FSD1L: variants seen among roughly 807,000 people sequenced by gnomAD.
The protein encoded by FSD1L is FSD1-like protein.
FSD1L carries 45 observed loss-of-function variants against 71.6 expected under a neutral mutation model. The observed-to-expected ratio is 0.63, with a 90% confidence interval of 0.49 to 0.81. The LOEUF is 0.81. Ranked by LOEUF, FSD1L falls within the 30% of genes least tolerant of loss-of-function variation. The pLI is 0.00. For synonymous variants in FSD1L, 197 were observed against 207.2 expected, an observed-to-expected ratio of 0.95 and a Z score of 0.42; for missense variants, 561 against 618.1, an observed-to-expected ratio of 0.91 and a Z score of 0.98.
At chr9:105,492,583 T>G (rs1303182872) in intron 7 of FSD1L, among the ~76,000 whole-genome samples, 2 of 152,180 alleles carry the variant, frequency 1.3e-5, no homozygotes, top group Non-Finnish European at 2.9e-5. Flanking sequence ...TTCTTTTAAT[T>G]GTGATGTTAG....
At chr9:105,511,939 GAACT>G in intron 9 of FSD1L, among the ~76,000 whole-genome samples, 1 of 152,052 alleles carries the variant, frequency 6.6e-6, no homozygotes. Flanking sequence ...GAGGGAAATA[GAACT>G]AACAGGCAGA....
At chr9:105,448,679 C>T (rs909292266) in intron 1 of FSD1L, among the ~76,000 whole-genome samples, 1 of 152,192 alleles carries the variant, frequency 6.6e-6, no homozygotes, top group Non-Finnish European at 1.5e-5. Context: ...GACCAAGTCT[C>T]GTCTCAGCAC....
At position 105,551,769 on chromosome 9, in the gene FSD1L, A is replaced by C. The variant is rs529793107; in HGVS notation, c.*5286A>C. Reference sequence around the variant, plus strand: ...GCACAGCATTGTTGTGTCAGTGTAGAATAGTGGCATAAATAAATGAATTAA... The same window carrying C: ...GCACAGCATTGTTGTGTCAGTGTAGCATAGTGGCATAAATAAATGAATTAA... On this transcript the variant is annotated 3_prime_UTR_variant, in exon 14 of 14. Transcript: ENST00000481272. 86 of 152,358 alleles carry C rather than the reference A, an allele frequency of 5.6e-4. No individual in the cohort carries two copies. The highest frequency in any genetic ancestry group is 1.9e-3 in the African/African-American group (79 of 41,590). 9.4% of individuals were successfully genotyped at this position (152,358 alleles called of 1,614,324 possible).
chr9:105,478,402 T>G (rs956320860), intron 5 of FSD1L, among the ~76,000 whole-genome samples: 1 of 152,164 alleles, frequency 6.6e-6, no homozygotes, highest in African/African-American at 2.4e-5. Context: ...CTAATTAACA[T>G]TCAAATAAGT....
At chr9:105,475,476 A>G (rs1831734717) in intron 5 of FSD1L, among the ~76,000 whole-genome samples, 1 of 152,204 alleles carries the variant, frequency 6.6e-6, no homozygotes, top group African/African-American at 2.4e-5. Flanking sequence ...AGGAGTGGGT[A>G]GAAGCTCACT....
rs559122867 is a variant in FSD1L, at chr9:105,534,644, A to G, written c.1126+51A>G. The G allele has an allele frequency of 2.6e-5, 28 of 1,056,970 alleles. 1 individual carries two copies. Among genetic ancestry groups the G allele is most frequent in the East Asian group, 2.1e-4 (8 of 38,194 alleles). The allele number at this position is 1,056,970 out of a possible 1,614,324, so 65.5% of individuals were successfully genotyped here. ...ATTATCTCAGATTAAAGGCATCACA[A>G]TCACACTGGTGGACTTTCCACTCAA... On this transcript the variant is annotated intron_variant, in intron 11 of 13. Coordinates refer to ENST00000481272, the MANE Select transcript of FSD1L (RefSeq NM_001145313.3).
chr9:105,520,835 C>G, intron 10 of FSD1L: 2 of 1,612,160 alleles, frequency 1.2e-6, no homozygotes, highest in Non-Finnish European at 8.5e-7. Flanking sequence ...CTCCTCTTGT[C>G]CCCCCACAAT....
intron 6 of FSD1L, among the ~76,000 whole-genome samples, chr9:105,483,158 G>T (rs1832321390): frequency 6.6e-6 from 1 of 152,108 alleles, no homozygotes; most frequent in Admixed American, 6.5e-5. Context: ...AATTCCCTTT[G>T]CTGTAAATTA....
chr9:105,493,410 G>C (rs1334707336), intron 7 of FSD1L, among the ~76,000 whole-genome samples: 1 of 151,980 alleles, frequency 6.6e-6, no homozygotes, highest in East Asian at 1.9e-4. Flanking sequence ...ACGTGAGATG[G>C]GTTTCCTGAA....
At chr9:105,533,408 ATTTCCATCTTT>A (rs1836026839) in intron 10 of FSD1L, among the ~76,000 whole-genome samples, 1 of 20,854 alleles carries the variant, frequency 4.8e-5, no homozygotes. Context: ...GATAATTGCC[ATTTCCATCTTT>A]TTTTTTTTTT....
At position 105,547,402 on chromosome 9, in the gene FSD1L, T is replaced by A. The variant is rs915011883; in HGVS notation, c.*919T>A. ...TAAAGTTACATAGAGGATTGAAAAA[T>A]GTATATCACTCAATTTTTATCTAAG... On this transcript the variant is annotated 3_prime_UTR_variant, in exon 14 of 14. Coordinates refer to ENST00000481272, the MANE Select transcript of FSD1L (RefSeq NM_001145313.3). 1 of 152,468 alleles carries A rather than the reference T, an allele frequency of 6.6e-6. No homozygotes were observed. Among genetic ancestry groups the A allele is most frequent in the Non-Finnish European group, 1.5e-5 (1 of 67,930 alleles). 9.4% of individuals were successfully genotyped at this position (152,468 alleles called of 1,614,324 possible).
intron 1 of FSD1L, among the ~76,000 whole-genome samples, chr9:105,451,943 T>A (rs986815843): frequency 1.2e-4 from 18 of 152,120 alleles, no homozygotes; most frequent in Non-Finnish European, 2.5e-4. Flanking sequence ...GGAAGGGAGA[T>A]GAGAGCTCAG....
intron 7 of FSD1L, among the ~76,000 whole-genome samples, chr9:105,487,128 A>G (rs141942045): frequency 6.6e-6 from 1 of 152,174 alleles, no homozygotes; most frequent in African/African-American, 2.4e-5. Flanking sequence ...TTCATTCCAG[A>G]TCACTGTACA....
intron 10 of FSD1L, among the ~76,000 whole-genome samples, chr9:105,515,236 G>A (rs114090270): frequency 0.031 from 4,767 of 152,188 alleles, 166 homozygotes; most frequent in African/African-American, 0.088. Flanking sequence ...GGGCACATGC[G>A]CGTCACTAGA....
intron 2 of FSD1L, among the ~76,000 whole-genome samples, chr9:105,462,294 C>A (rs1017905719): frequency 6.6e-6 from 1 of 150,380 alleles, no homozygotes; most frequent in African/African-American, 2.5e-5. Flanking sequence ...CGGCTCACTG[C>A]AACCTCCACC....
rs556107174 is a variant in FSD1L at position 105,544,784 on chromosome 9, A to G, written c.1468-1574A>G. 3.1e-3 allele frequency among the ~76,000 whole-genome samples: 470 copies of G among 152,164 alleles called. 4 individuals carry two copies. The highest frequency in any genetic ancestry group is 0.011 in the African/African-American group (438 of 41,504). ...GGGCTCTGTTCTGTTCCATTGGTCT[A>G]TATCTCTGTTTTGGTACCAGTACCA... On this transcript the variant is annotated intron_variant, in intron 13 of 13. Transcript: ENST00000481272.
chr9:105,532,589 T>A (rs1285475019), intron 10 of FSD1L, among the ~76,000 whole-genome samples: 1 of 152,230 alleles, frequency 6.6e-6, no homozygotes, highest in Admixed American at 6.5e-5. Flanking sequence ...TCTGTTTTGC[T>A]GTCCCCGTAC....
At chr9:105,522,182 T>C (rs1309623683) in intron 10 of FSD1L, 22 of 1,614,028 alleles carry the variant, frequency 1.4e-5, no homozygotes, top group Non-Finnish European at 1.8e-5. Flanking sequence ...AACTTTGGGA[T>C]GACTTACTGT....
intron 7 of FSD1L, among the ~76,000 whole-genome samples, chr9:105,490,158 C>T (rs1832828453): frequency 6.6e-6 from 1 of 152,200 alleles, no homozygotes; most frequent in Non-Finnish European, 1.5e-5. Flanking sequence ...ACATCCTCTC[C>T]AGCACCTGTT....
Sources: gnomAD v4.1 joint callset for allele counts (sites outside exome capture counted in the v4.1 genomes callset) on GRCh38, gnomAD v4.1.1 for gene constraint, MANE v1.5 for transcripts, NCBI Gene and HGNC (gene_info 2026-07-23, HGNC 2026-07-21) for gene names.